The following GGH variants were observed in gnomAD, a reference collection of about 807,000 sequenced individuals.
The protein encoded by GGH is gamma-Glu-X carboxypeptidase.
GGH carries 18 observed loss-of-function variants against 39.2 expected under a neutral mutation model. The observed-to-expected ratio is 0.46, with a 90% CI of 0.32 to 0.68. The LOEUF is 0.68. GGH is among the 30% of genes least tolerant of loss of function. GGH has a pLI of 0.04. For missense variants in GGH, 367 were observed against 384.1 expected (o/e 0.96, Z 0.37); for synonymous variants, 147 against 138.8 (o/e 1.06, Z -0.42).
chr8:63,034,960 G>T (rs953935952), intron 2 of GGH, among the ~76,000 whole-genome samples: 6 of 152,072 alleles, frequency 3.9e-5, no homozygotes, highest in Admixed American at 3.9e-4. Flanking sequence ...TGAAGTCTGA[G>T]ATTTCAATGA....
At chr8:63,025,331 AAG>A (rs1462798506) in intron 5 of GGH, 2 of 152,206 alleles carry the variant, frequency 1.3e-5, no homozygotes, top group East Asian at 1.9e-4. Context: ...CCAAGTATGA[AAG>A]AGGGGCTGGA....
At chr8:63,027,775 C>A (rs563831281) in intron 3 of GGH, among the ~76,000 whole-genome samples, 1 of 151,992 alleles carries the variant, frequency 6.6e-6, no homozygotes. Flanking sequence ...CACCCCGAGT[C>A]TCTTCAGAAA....
At chr8:63,031,607 G>T (rs1339937428) in intron 2 of GGH, among the ~76,000 whole-genome samples, 1 of 152,190 alleles carries the variant, frequency 6.6e-6, no homozygotes, top group African/African-American at 2.4e-5. Context: ...CCAGCTAGCG[G>T]TGCAAGCTAG....
chr8:63,017,498 T>C lies in GGH; in HGVS notation c.830A>G (p.Asn277Ser). The C allele has an allele frequency of 1.2e-6, 2 of 1,608,138 alleles. No individual in the cohort carries two copies. The highest frequency in any genetic ancestry group is 1.7e-6 in the Non-Finnish European group (2 of 1,177,468). The part of the protein sequence containing the change: ...TAFYLAEFFV[N>S]EARKNNHHFK... ...ATTATGTACCCTCATATTACCTTCA[T>C]TAACAAAAAACTCTGCTAAATAAAA... is the stretch of plus-strand genomic sequence containing the variant. Residue 277 changes from asparagine (N) to serine (S), a missense_variant, in exon 8 of 9, where the codon AAT becomes AGT. By Grantham distance (46) the Asn-to-Ser change is conservative (BLOSUM62 1). Transcript: ENST00000260118.
intron 7 of GGH, among the ~76,000 whole-genome samples, chr8:63,023,352 A>C (rs1454752990): frequency 6.6e-6 from 1 of 151,816 alleles, no homozygotes; most frequent in Non-Finnish European, 1.5e-5. Flanking sequence ...TGTAGGGGGG[A>C]TTTTAGGTGT....
chr8:63,028,665 G>T (rs903982893), intron 3 of GGH, among the ~76,000 whole-genome samples: 1 of 152,144 alleles, frequency 6.6e-6, no homozygotes, highest in Admixed American at 6.5e-5. Context: ...GACTACATGA[G>T]AGAGAAAAGG....
chr8:63,029,102 T>A (rs1326244561), intron 3 of GGH, among the ~76,000 whole-genome samples: 1 of 152,288 alleles, frequency 6.6e-6, no homozygotes, highest in East Asian at 1.9e-4. Context: ...TAAATTAACA[T>A]GGTTTTAGAA....
At chr8:63,025,764 C>CA (rs546635911) in intron 5 of GGH, among the ~76,000 whole-genome samples, 28 of 151,382 alleles carry the variant, frequency 1.8e-4, no homozygotes, top group Non-Finnish European at 2.7e-4. Flanking sequence ...TTAATATTCA[C>CA]AAAAAAAACC....
chr8:63,016,911 G>A (rs910879688), intron 8 of GGH, among the ~76,000 whole-genome samples: 9 of 152,192 alleles, frequency 5.9e-5, no homozygotes, highest in African/African-American at 2.2e-4. Flanking sequence ...AAACTGGTGG[G>A]TATATATTCA....
In GGH at chr8:63,025,853, A is replaced by G. The variant is rs188771678; in HGVS notation, c.499+305T>C. On this transcript the variant is annotated intron_variant, in intron 5 of 8. Transcript: ENST00000260118. ...AAAATGGTTCCTCAAGGTAAAAGTG[A>G]CAAAGCTAGGAGTCAAAACCAGATC... Among the ~76,000 whole-genome samples the G allele has an allele frequency of 3.7e-4, 57 of 152,308 alleles. No homozygotes were observed. In the East Asian group the frequency reaches 3.9e-3, roughly 10 times the overall value.
Position 63,017,579 on chromosome 8 carries a change from T to G in GGH, c.749A>C (p.Tyr250Ser). 1 of 1,606,548 alleles carries G rather than the reference T, an allele frequency of 6.2e-7. No individual in the cohort carries two copies. Among genetic ancestry groups the G allele is most frequent in the Middle Eastern group, 1.7e-4 (1 of 6,044 alleles). ...AATGCCATCCAAATTCTTCCACTCA[T>G]AAGGTGCTTTCTCTGGATGCCACTG... ...GVQWHPEKAP[Y>S]EWKNLDGISH... The change falls in exon 8 of 9, where the codon TAT becomes TCT. Residue 250 changes from tyrosine to serine, a missense_variant. Tyr to Ser is a moderately radical substitution (Grantham distance 144). Transcript: ENST00000260118.
Position 63,038,772 on chromosome 8 carries a change from G to C in GGH, c.-4C>G. 6.6e-7 allele frequency: 1 copy of C among 1,514,984 alleles called. No homozygotes were observed. Among genetic ancestry groups the C allele is most frequent in the Non-Finnish European group, 8.8e-7 (1 of 1,131,334 alleles). The allele number at this position is 1,514,984 out of a possible 1,614,324, so 93.8% of individuals were successfully genotyped here. ...GCAGGCAGCCCGGACTGGCCATGGC[G>C]CTCGCCGCCTCCCGCCGCCTTTCAA... is the stretch of plus-strand genomic sequence containing the variant. On this transcript the variant is annotated 5_prime_UTR_variant, in exon 1 of 9. Coordinates refer to ENST00000260118, the MANE Select transcript of GGH (RefSeq NM_003878.3).
At chr8:63,026,423 TC>T (rs1479534906) in intron 4 of GGH, 127 bp from the exon 5 acceptor site, 1 of 700,726 alleles carries the variant, frequency 1.4e-6, no homozygotes, top group Non-Finnish European at 2.4e-6. Context: ...TTCTCCAGGA[TC>T]CATAAGTAGG....
In GGH at chr8:63,027,272, C is replaced by A; in HGVS notation, c.276-7G>T. ...TCCTCCAGGGAAAAGGATTCTGAAA[C>A]AACGTTACATAAATCAAATAGGGTG... On this transcript the variant is annotated splice_polypyrimidine_tract_variant and splice_region_variant and intron_variant, in intron 3 of 8. Coordinates refer to ENST00000260118, the MANE Select transcript of GGH (RefSeq NM_003878.3). The A allele has an allele frequency of 6.4e-7, 1 of 1,550,622 alleles. No individual in the cohort carries two copies. The highest frequency in any genetic ancestry group is 8.9e-7 in the Non-Finnish European group (1 of 1,122,644).
chr8:63,025,697 C>T (rs1804671053), intron 5 of GGH, among the ~76,000 whole-genome samples: 1 of 151,928 alleles, frequency 6.6e-6, no homozygotes, highest in African/African-American at 2.4e-5. Context: ...CGTCACTGCG[C>T]TCCAGACTGA....
At chr8:63,035,218 A>T (rs1466123931) in intron 2 of GGH, among the ~76,000 whole-genome samples, 1 of 152,252 alleles carries the variant, frequency 6.6e-6, no homozygotes, top group African/African-American at 2.4e-5. Flanking sequence ...GACTCTAAGC[A>T]ACATGTTTGT....
At chr8:63,022,219 C>G (rs2129646429) in intron 7 of GGH, among the ~76,000 whole-genome samples, 1 of 152,186 alleles carries the variant, frequency 6.6e-6, no homozygotes, top group Admixed American at 6.5e-5. Context: ...AAGACATTCT[C>G]CTTTATTTTT....
chr8:63,026,291 A>G lies in GGH; in HGVS notation c.366T>C (p.Phe122=), dbSNP rs779528119. 1.6e-5 allele frequency: 26 copies of G among 1,595,772 alleles called. No homozygotes were observed. Among genetic ancestry groups the G allele is most frequent in the Admixed American group, 1.1e-4 (6 of 55,176 alleles). The stretch of plus-strand genomic sequence containing the variant: ...ACACAGGAAAATAGTCTCCATCATC[A>G]AAACTCTTTGCAAGTGGAAAAAGAG... ...KIFYNLSIQS[F]DDGDYFPVWG... Residue 122 remains phenylalanine (F), a synonymous_variant, in exon 5 of 9, where the codon TTT becomes TTC. Coordinates refer to ENST00000260118, the MANE Select transcript of GGH (RefSeq NM_003878.3).
intron 3 of GGH, 55 bp from the exon 4 acceptor site, chr8:63,027,320 A>G: frequency 1.3e-6 from 1 of 796,734 alleles, no homozygotes; most frequent in Non-Finnish European, 2.2e-6. Flanking sequence ...CCCGACCCAT[A>G]CACACACAGA....
Sources: allele counts gnomAD v4.1 joint callset (sites outside exome capture counted in the v4.1 genomes callset), GRCh38; gene constraint gnomAD v4.1.1; transcripts MANE v1.5; gene names NCBI Gene and HGNC (gene_info 2026-07-23, HGNC 2026-07-21).